Variants in IL23R observed in about 807,000 individuals in gnomAD.
IL23R encodes interleukin-23 receptor.
A neutral mutation model predicts 56.9 loss-of-function variants in IL23R; 34 were observed. The observed-to-expected ratio is 0.60, with a 90% CI of 0.45 to 0.80. IL23R has a LOEUF of 0.80. Among genes scored for constraint, IL23R ranks in the 30% least tolerant of loss-of-function variants. The pLI, the probability that IL23R is intolerant of heterozygous loss-of-function variation, is 0.00. For synonymous variants in IL23R, 230 were observed against 249.2 expected (o/e 0.92, Z 0.73); for missense variants, 635 against 730.0 (o/e 0.87, Z 1.50).
At chr1:67,215,123 C>T (rs1035281890) in intron 6 of IL23R, among the ~76,000 whole-genome samples, 11 of 152,048 alleles carry the variant, frequency 7.2e-5, no homozygotes, top group African/African-American at 1.4e-4. Flanking sequence ...TCGGGGAGCT[C>T]GGATTTTAAG....
intron 4 of IL23R, among the ~76,000 whole-genome samples, chr1:67,190,432 G>GA (rs35538674): frequency 0.57 from 79,267 of 138,692 alleles, 22,090 homozygotes; most frequent in East Asian, 0.68. Flanking sequence ...TAATGATAGG[G>GA]AAAAAAAAAA....
At chr1:67,182,686 C>T (rs1647166891) in intron 3 of IL23R, 150 bp from the exon 4 acceptor site, 3 of 800,714 alleles carry the variant, frequency 3.7e-6, no homozygotes, top group Non-Finnish European at 4.3e-6. Context: ...GAACCCGGTA[C>T]CTCAGTTGGA....
At chr1:67,149,886 A>G (rs986155101) in intron 1 of IL23R, among the ~76,000 whole-genome samples, 5 of 152,180 alleles carry the variant, frequency 3.3e-5, no homozygotes, top group African/African-American at 9.7e-5. Context: ...CATGGTATAT[A>G]CAGTTAACTA....
intron 6 of IL23R, among the ~76,000 whole-genome samples, chr1:67,208,213 G>C (rs984801723): frequency 6.6e-6 from 1 of 152,178 alleles, no homozygotes; most frequent in Non-Finnish European, 1.5e-5. Context: ...AAGGGAAACA[G>C]AACATAAAAG....
chr1:67,233,814 T>A (rs2100299734), intron 7 of IL23R, among the ~76,000 whole-genome samples: 1 of 151,808 alleles, frequency 6.6e-6, no homozygotes, highest in Non-Finnish European at 1.5e-5. Flanking sequence ...ATTATGGACG[T>A]AACACCACAA....
upstream of IL23R, among the ~76,000 whole-genome samples, chr1:67,163,468 C>CAAAAAAAAAAAAAAAAAAAA (rs57495148): frequency 6.0e-5 from 3 of 49,606 alleles, no homozygotes; most frequent in African/African-American, 2.9e-4. Context: ...GACCCTGTCT[C>CAAAAAAAAAAAAAAAAAAAA]AAAAAAAAAA....
intron 3 of IL23R, among the ~76,000 whole-genome samples, chr1:67,174,837 G>A (rs1646987832): frequency 6.6e-6 from 1 of 151,952 alleles, no homozygotes; most frequent in Non-Finnish European, 1.5e-5. Context: ...CCCTGTGTTG[G>A]CTTCATTCTT....
At chr1:67,244,266 G>C (rs1652048914) in intron 9 of IL23R, among the ~76,000 whole-genome samples, 1 of 152,150 alleles carries the variant, frequency 6.6e-6, no homozygotes, top group African/African-American at 2.4e-5. Context: ...TAGGTTGCCT[G>C]TTCACTTTGA....
Position 67,252,017 on chromosome 1 carries a change from G to GT in IL23R, c.1149-3811dup, listed in dbSNP as rs774659252. Among the ~76,000 whole-genome samples the GT allele has an allele frequency of 9.7e-4, 146 of 150,926 alleles. 5 individuals carry two copies. In the South Asian group the frequency reaches 0.025, roughly 26 times the overall value. Reference sequence around the variant, plus strand: ...TAAAACAAGATGGAGACCTCATCCAGTTTTTTTTTAATGCACTTCAGTGTG... The same window carrying GT: ...TAAAACAAGATGGAGACCTCATCCAGTTTTTTTTTTAATGCACTTCAGTGTG... On this transcript the variant is annotated intron_variant, in intron 9 of 10. Transcript: ENST00000347310.
chr1:67,204,123 G>GT (rs1216425106), intron 5 of IL23R, among the ~76,000 whole-genome samples: 1 of 152,104 alleles, frequency 6.6e-6, no homozygotes, highest in East Asian at 1.9e-4. Flanking sequence ...GAGTGCAGTG[G>GT]CGCGATCTCG....
At position 67,211,892 on chromosome 1, in the gene IL23R, T is replaced by G. The variant is rs116495134; in HGVS notation, c.798+4837T>G. On this transcript the variant is annotated intron_variant, in intron 6 of 10. Coordinates refer to ENST00000347310, the MANE Select transcript of IL23R (RefSeq NM_144701.3). Reference sequence around the variant, plus strand: ...AGTGGCAAATAGAGTAGAAAGAATATTTGTTATCTCATATGCTCTTCATAA... The same window carrying G: ...AGTGGCAAATAGAGTAGAAAGAATAGTTGTTATCTCATATGCTCTTCATAA... Among the ~76,000 whole-genome samples, 349 of 152,326 alleles carry G rather than the reference T, an allele frequency of 2.3e-3. 2 individuals are homozygous for G. The highest frequency in any genetic ancestry group is 8.1e-3 in the African/African-American group (336 of 41,562).
At chr1:67,250,806 T>C (rs1016826258) in intron 9 of IL23R, among the ~76,000 whole-genome samples, 2 of 152,238 alleles carry the variant, frequency 1.3e-5, no homozygotes, top group African/African-American at 4.8e-5. Flanking sequence ...ATTTTTCATT[T>C]GCCAGTTTCT....
At chr1:67,220,534 A>G (rs763639369) in intron 7 of IL23R, among the ~76,000 whole-genome samples, 11 of 152,120 alleles carry the variant, frequency 7.2e-5, no homozygotes, top group Non-Finnish European at 1.5e-4. Flanking sequence ...AAGGCTTACT[A>G]CAATTTATAT....
chr1:67,241,337 C>G (rs918192665), intron 9 of IL23R, among the ~76,000 whole-genome samples: 2 of 152,168 alleles, frequency 1.3e-5, no homozygotes, highest in South Asian at 4.1e-4. Context: ...AAAAACAAAA[C>G]CTGGTCTGTT....
rs1456325736 is a variant in IL23R at position 67,258,669 on chromosome 1, T to C, written c.1431T>C (p.Ile477=). The change falls in exon 11 of 11, where the codon ATT becomes ATC. Residue 477 remains isoleucine (I), a synonymous_variant. Coordinates refer to ENST00000347310, the MANE Select transcript of IL23R (RefSeq NM_144701.3). The part of the protein sequence containing the change: ...SLFDNTTVVY[I]PDLNTGYKPQ... The stretch of plus-strand genomic sequence containing the variant: ...TCGACAATACTACAGTTGTATATAT[T>C]CCTGATCTCAACACTGGATATAAAC... The C allele has an allele frequency of 6.2e-7, 1 of 1,613,800 alleles. No individual in the cohort carries two copies. Among genetic ancestry groups the C allele is most frequent in the Non-Finnish European group, 8.5e-7 (1 of 1,179,940 alleles).
chr1:67,262,356 A>G (rs1266285805), downstream of IL23R, among the ~76,000 whole-genome samples: 1 of 152,128 alleles, frequency 6.6e-6, no homozygotes, highest in Non-Finnish European at 1.5e-5. Context: ...GAAAAAAATA[A>G]AGGAAAATGT....
intron 7 of IL23R, among the ~76,000 whole-genome samples, chr1:67,233,930 TGTGTGTGTG>T (rs1308556973): frequency 0.01 from 61 of 5,958 alleles, no homozygotes; most frequent in Admixed American, 0.024. Context: ...TCATAAAGGC[TGTGTGTGTG>T]TGTGTGTGTG....
intron 7 of IL23R, among the ~76,000 whole-genome samples, chr1:67,227,958 CTTTCTTTCTTTCTTT>C (rs1650753065): frequency 1.1e-4 from 4 of 35,948 alleles, no homozygotes; most frequent in African/African-American, 2.8e-4. Flanking sequence ...TTCTTTCTTT[CTTTCTTTCTTTCTTT>C]CTTTCTTTCT....
chr1:67,180,255 A>C (rs879100097), intron 3 of IL23R, among the ~76,000 whole-genome samples: 1 of 152,094 alleles, frequency 6.6e-6, no homozygotes, highest in Non-Finnish European at 1.5e-5. Flanking sequence ...GGGGAGTCTA[A>C]GTCTCTTTGT....
Sources: gnomAD v4.1 joint callset for allele counts (sites outside exome capture counted in the v4.1 genomes callset) on GRCh38, gnomAD v4.1.1 for gene constraint, MANE v1.5 for transcripts, NCBI Gene and HGNC (gene_info 2026-07-23, HGNC 2026-07-21) for gene names.